The following ZNF423 variants were observed in gnomAD, a reference collection of about 807,000 sequenced individuals.
The protein encoded by ZNF423 is zinc finger protein 423.
Under a neutral mutation model 95.8 loss-of-function variants are expected in ZNF423, and 12 were observed. The ratio of observed to expected loss-of-function variants is 0.13; its 90% CI spans 0.08 to 0.20. The LOEUF (loss-of-function observed/expected upper bound fraction) is 0.20, where lower values mean the gene tolerates loss of function less well. Among genes scored for constraint, ZNF423 ranks in the 10% least tolerant of loss-of-function variants. The pLI, the probability that ZNF423 is intolerant of heterozygous loss-of-function variation, is 1.00. For synonymous variants in ZNF423, 749 were observed against 711.9 expected, an observed-to-expected ratio of 1.05 and a Z score of -0.83; for missense variants, 1,316 against 1,737.1, an observed-to-expected ratio of 0.76 and a Z score of 4.31.
chr16:49,651,001 C>T lies in ZNF423; in HGVS notation c.302-12127G>A, dbSNP rs147548374. Among the ~76,000 whole-genome samples, 710 of 151,870 alleles carry T rather than the reference C, an allele frequency of 4.7e-3. 5 individuals carry two copies. The highest frequency in any genetic ancestry group is 0.016 in the African/African-American group (666 of 41,458). Reference sequence around the variant, plus strand: ...TTTTTGTTGTTGTTGTTCCTTAATTCACAGTCACTTTTGGCTTTTTTTTTT... The same window carrying T: ...TTTTTGTTGTTGTTGTTCCTTAATTTACAGTCACTTTTGGCTTTTTTTTTT... On this transcript the variant is annotated intron_variant, in intron 3 of 7. Transcript: ENST00000563137.
intron 2 of ZNF423, among the ~76,000 whole-genome samples, chr16:49,777,867 A>T (rs2034145889): frequency 6.6e-6 from 1 of 152,198 alleles, no homozygotes; most frequent in Non-Finnish European, 1.5e-5. Context: ...CTAGATGGTT[A>T]TTATTTTTTA....
chr16:49,549,365 C>G (rs1969551247), intron 5 of ZNF423, among the ~76,000 whole-genome samples: 2 of 152,238 alleles, frequency 1.3e-5, no homozygotes, highest in Admixed American at 6.5e-5. Flanking sequence ...TCCCATCCGG[C>G]CTCCAGCCAG....
Position 49,730,697 on chromosome 16 carries a change from G to C in ZNF423, c.301+74C>G, listed in dbSNP as rs1001552888. 5 of 1,480,566 alleles carry C rather than the reference G, an allele frequency of 3.4e-6. No homozygotes were observed. The African/African-American group carries it at 5.5e-5, about 16-fold the overall frequency. The allele number at this position is 1,480,566 out of a possible 1,614,324, so 91.7% of individuals were successfully genotyped here. ...CATTATTAATTCTTTAATCTCACTT[G>C]AGGCTTCAAGCTGTTGCTATGTCCA... On this transcript the variant is annotated intron_variant, in intron 3 of 7. Coordinates refer to ENST00000563137, the MANE Select transcript of ZNF423 (RefSeq NM_001379286.1).
intron 3 of ZNF423, among the ~76,000 whole-genome samples, chr16:49,688,054 G>GT (rs5816653): frequency 3.4e-5 from 3 of 88,180 alleles, no homozygotes; most frequent in African/African-American, 1.3e-4. Context: ...CCACGGTGCG[G>GT]TTTTTTTTTT....
chr16:49,582,336 T>C (rs891887565), intron 5 of ZNF423, among the ~76,000 whole-genome samples: 19 of 152,250 alleles, frequency 1.2e-4, no homozygotes, highest in Admixed American at 1.0e-3. Flanking sequence ...TGTTATAAAA[T>C]GTCACCTCTT....
rs372701690 is a variant in ZNF423 at position 49,807,356 on chromosome 16, G to A, written c.41-17810C>T. Among the ~76,000 whole-genome samples, 484 of 152,112 alleles carry A rather than the reference G, an allele frequency of 3.2e-3. 1 individual carries two copies. Among genetic ancestry groups the A allele is most frequent in the African/African-American group, 0.011 (453 of 41,504 alleles). On this transcript the variant is annotated intron_variant, in intron 1 of 7. Coordinates refer to ENST00000563137, the MANE Select transcript of ZNF423 (RefSeq NM_001379286.1). The stretch of plus-strand genomic sequence containing the variant: ...TGAGGCAGGAGAATGGCGTGAACCC[G>A]GGAGGCAGAGCTTGCAGTGAGTGGA...
chr16:49,633,218 T>C (rs1972563011), intron 4 of ZNF423, among the ~76,000 whole-genome samples: 1 of 152,208 alleles, frequency 6.6e-6, no homozygotes, highest in African/African-American at 2.4e-5. Flanking sequence ...CATGAAATAT[T>C]GTAAGGATTA....
intron 7 of ZNF423, among the ~76,000 whole-genome samples, chr16:49,508,673 CT>C (rs1967758028): frequency 6.6e-6 from 1 of 152,074 alleles, no homozygotes; most frequent in African/African-American, 2.4e-5. Context: ...CCCTTCTCCC[CT>C]ATGTGAGGAG....
chr16:49,512,850 C>T (rs969382178), intron 7 of ZNF423, among the ~76,000 whole-genome samples: 4 of 152,160 alleles, frequency 2.6e-5, no homozygotes, highest in Non-Finnish European at 4.4e-5. Flanking sequence ...AATCCCAGCA[C>T]TTTGAGAGGC....
At chr16:49,787,039 C>T (rs2034325402) in intron 2 of ZNF423, among the ~76,000 whole-genome samples, 1 of 152,164 alleles carries the variant, frequency 6.6e-6, no homozygotes, top group Non-Finnish European at 1.5e-5. Context: ...CCTCACAGAG[C>T]TGTCACGATG....
intron 6 of ZNF423, among the ~76,000 whole-genome samples, chr16:49,524,206 G>A (rs1302468339): frequency 2.0e-5 from 3 of 152,350 alleles, no homozygotes; most frequent in Non-Finnish European, 4.4e-5. Flanking sequence ...AGAGAAAACT[G>A]AGGTGCCAGG....
At chr16:49,788,760 C>T (rs2034360343) in intron 2 of ZNF423, among the ~76,000 whole-genome samples, 1 of 152,202 alleles carries the variant, frequency 6.6e-6, no homozygotes, top group Non-Finnish European at 1.5e-5. Context: ...GACAGGGAGC[C>T]AGGGGCATCA....
intron 5 of ZNF423, among the ~76,000 whole-genome samples, chr16:49,601,625 A>C (rs1971375895): frequency 1.3e-5 from 2 of 152,302 alleles, no homozygotes; most frequent in Non-Finnish European, 1.5e-5. Flanking sequence ...GCTCGTTCAC[A>C]TAAAAGGCAG....
intron 5 of ZNF423, among the ~76,000 whole-genome samples, chr16:49,619,739 T>C (rs1971992838): frequency 6.6e-6 from 1 of 152,198 alleles, no homozygotes; most frequent in African/African-American, 2.4e-5. Context: ...TTGGGTCTGG[T>C]GTTACCTGAA....
chr16:49,723,063 C>G (rs1256616112), intron 3 of ZNF423, among the ~76,000 whole-genome samples: 1 of 149,860 alleles, frequency 6.7e-6, no homozygotes, highest in Non-Finnish European at 1.5e-5. Flanking sequence ...TCATGCCATT[C>G]TCCTGCCTCA....
At chr16:49,648,653 A>G (rs1973271925) in intron 3 of ZNF423, among the ~76,000 whole-genome samples, 1 of 135,820 alleles carries the variant, frequency 7.4e-6, no homozygotes, top group East Asian at 2.1e-4. Flanking sequence ...CTCCATCTCA[A>G]AAAAAAAAGA....
Position 49,686,054 on chromosome 16 carries a change from G to T in ZNF423, c.301+44717C>A, listed in dbSNP as rs369580230. On this transcript the variant is annotated intron_variant, in intron 3 of 7. Transcript: ENST00000563137. ...CCTTTGCTTCTCTCTCATGCCCCAT[G>T]CTCTTCCTTCCAGATGCTTCCACGC... 7.9e-5 allele frequency among the ~76,000 whole-genome samples: 12 copies of T among 152,248 alleles called. No homozygotes were observed. The South Asian group carries it at 2.5e-3, about 32-fold the overall frequency.
intron 1 of ZNF423, among the ~76,000 whole-genome samples, chr16:49,797,921 T>A (rs1459594109): frequency 9.0e-6 from 1 of 111,714 alleles, no homozygotes; most frequent in Admixed American, 8.7e-5. Flanking sequence ...AAGAAACCGA[T>A]TTTTTAGGCC....
intron 3 of ZNF423, among the ~76,000 whole-genome samples, chr16:49,702,150 A>G (rs556827073): frequency 6.6e-6 from 1 of 152,314 alleles, no homozygotes. Flanking sequence ...CATTACTCCC[A>G]CTGGAAGCTT....
Sources: allele counts gnomAD v4.1 joint callset (sites outside exome capture counted in the v4.1 genomes callset), GRCh38; gene constraint gnomAD v4.1.1; transcripts MANE v1.5; gene names NCBI Gene and HGNC (gene_info 2026-07-23, HGNC 2026-07-21).